ANOS1: variants seen among roughly 807,000 people sequenced by gnomAD.
ANOS1 encodes the protein anosmin 1.
ANOS1 carries 6 observed loss-of-function variants against 59.0 expected under a neutral mutation model. The ratio of observed to expected loss-of-function variants is 0.10; its 90% confidence interval spans 0.06 to 0.20. The LOEUF is 0.20. Among genes scored for constraint, ANOS1 ranks in the 10% least tolerant of loss-of-function variants. The pLI, the probability that ANOS1 is intolerant of heterozygous loss-of-function variation, is 1.00. For synonymous variants in ANOS1, 217 were observed against 223.4 expected, an observed-to-expected ratio of 0.97 and a Z score of 0.25; for missense variants, 433 against 542.3, an observed-to-expected ratio of 0.80 and a Z score of 2.00.
At chrX:8,678,007 T>G (rs932728365) in intron 2 of ANOS1, among the ~76,000 whole-genome samples, 2 of 111,701 alleles carry the variant, frequency 1.8e-5, no homozygotes, top group Non-Finnish European at 3.8e-5. Context: ...CCTGCTGGGC[T>G]CGCCATGCTT....
intron 8 of ANOS1, among the ~76,000 whole-genome samples, chrX:8,561,642 T>G (rs1020594968): frequency 3.7e-5 from 4 of 108,666 alleles, no homozygotes; most frequent in Admixed American, 3.0e-4. Flanking sequence ...AGACACAGTC[T>G]CACTATGTTG....
At chrX:8,655,277 C>T (rs2146867203) in intron 2 of ANOS1, among the ~76,000 whole-genome samples, 1 of 111,499 alleles carries the variant, frequency 9.0e-6, no homozygotes, top group African/African-American at 3.3e-5. Context: ...GCATTAGATT[C>T]TCATAAGGAG....
At chrX:8,689,786 AAGAG>A (rs1156244850) in intron 2 of ANOS1, among the ~76,000 whole-genome samples, 16 of 109,539 alleles carry the variant, frequency 1.5e-4, no homozygotes, top group African/African-American at 5.0e-4. Flanking sequence ...AAAAAAAAAA[AAGAG>A]AGAGAGAGAG....
intron 7 of ANOS1, 137 bp downstream of exon 7, chrX:8,570,362 G>T: frequency 1.7e-6 from 1 of 575,160 alleles, no homozygotes; most frequent in South Asian, 2.6e-5. Flanking sequence ...GAACTTCCTC[G>T]GTAGAAATGA....
At chrX:8,657,467 CTTTT>C (rs1324799667) in intron 2 of ANOS1, among the ~76,000 whole-genome samples, 5 of 83,956 alleles carry the variant, frequency 6.0e-5, no homozygotes, top group East Asian at 3.8e-4. Flanking sequence ...ACTGTGCTTG[CTTTT>C]TTTTTTTTTT....
At chrX:8,619,663 G>A (rs1931254814) in intron 3 of ANOS1, among the ~76,000 whole-genome samples, 1 of 112,018 alleles carries the variant, frequency 8.9e-6, no homozygotes, top group Non-Finnish European at 1.9e-5. Flanking sequence ...CCTAAAAGTA[G>A]CAAAAGTTAC....
rs910175121 is a variant in ANOS1 at position 8,565,602 on chromosome X, C to T, written c.1207+2630G>A. On this transcript the variant is annotated intron_variant, in intron 8 of 13. Coordinates refer to ENST00000262648, the MANE Select transcript of ANOS1 (RefSeq NM_000216.4). ...AAGAAAAGACAATAGCGTGAACAAG[C>T]GAAAGAACTGGACAGATTCCATATG... Among the ~76,000 whole-genome samples the T allele has an allele frequency of 2.7e-5, 3 of 112,027 alleles. 1 individual carries two copies. Among genetic ancestry groups the T allele is most frequent in the South Asian group, 7.3e-4 (2 of 2,723 alleles).
At chrX:8,568,208 GA>G (rs1203002176) in intron 8 of ANOS1, 23 bp downstream of exon 8, 1 of 1,203,247 alleles carries the variant, frequency 8.3e-7, no homozygotes, top group South Asian at 1.8e-5. Context: ...CAATCATCTT[GA>G]AAAACATGAC....
chrX:8,703,247 A>G (rs985483671), intron 1 of ANOS1, among the ~76,000 whole-genome samples: 2 of 112,289 alleles, frequency 1.8e-5, no homozygotes, highest in Admixed American at 1.9e-4. Flanking sequence ...CCTCACAGAG[A>G]AGGCACATTT....
chrX:8,687,651 G>A (rs971009399), intron 2 of ANOS1, among the ~76,000 whole-genome samples: 5 of 108,486 alleles, frequency 4.6e-5, no homozygotes, highest in Admixed American at 2.0e-4. Flanking sequence ...AGAACATCAT[G>A]TTTTGAGTAG....
intron 2 of ANOS1, among the ~76,000 whole-genome samples, chrX:8,683,904 G>A (rs774086991): frequency 9.0e-6 from 1 of 111,668 alleles, no homozygotes; most frequent in African/African-American, 3.2e-5. Flanking sequence ...CACGGTGCAC[G>A]CAAAGGCTGG....
chrX:8,569,142 G>A (rs984901406), intron 7 of ANOS1, among the ~76,000 whole-genome samples: 16 of 111,836 alleles, frequency 1.4e-4, no homozygotes, highest in African/African-American at 5.2e-4. Flanking sequence ...ATGCTTCAAG[G>A]TGCTTCATTA....
intron 1 of ANOS1, among the ~76,000 whole-genome samples, chrX:8,716,919 T>G (rs1932844937): frequency 9.0e-6 from 1 of 111,592 alleles, no homozygotes; most frequent in South Asian, 3.8e-4. Flanking sequence ...TAGATATGGA[T>G]ATCCCGATAC....
rs1410573739 is a variant in ANOS1 at position 8,568,111 on chromosome X, TAAG to T, written c.1207+118_1207+120del. The stretch of plus-strand genomic sequence containing the variant: ...AATACTTTAGTCACATGCATGTGGG[TAAG>T]AAGATTTGCCATATAATTATTCCAA... On this transcript the variant is annotated intron_variant, in intron 8 of 13. Transcript: ENST00000262648. 1.2e-5 allele frequency: 8 copies of T among 688,472 alleles called. No homozygotes were observed. The African/African-American group carries it at 1.5e-4, about 13-fold the overall frequency. The allele number at this position is 688,472 out of a possible 1,213,427, so 56.7% of individuals were successfully genotyped here.
At chrX:8,687,323 C>CT (rs1371189949) in intron 2 of ANOS1, among the ~76,000 whole-genome samples, 52 of 110,547 alleles carry the variant, frequency 4.7e-4, no homozygotes, top group Non-Finnish European at 2.6e-4. Context: ...TTCCAGATGC[C>CT]TGGTGGCTTT....
chrX:8,576,273 T>G (rs1205035537), intron 6 of ANOS1, among the ~76,000 whole-genome samples: 1 of 111,238 alleles, frequency 9.0e-6, no homozygotes, highest in African/African-American at 3.3e-5. Flanking sequence ...TCTGAAGCAT[T>G]TTACTCAGTC....
chrX:8,566,895 C>T, intron 8 of ANOS1, among the ~76,000 whole-genome samples: 1 of 111,772 alleles, frequency 8.9e-6, no homozygotes, highest in Non-Finnish European at 1.9e-5. Flanking sequence ...ACCAGCATTG[C>T]CTTTCCTAAA....
Position 8,532,708 on chromosome X carries a change from T to C in ANOS1, c.*287A>G. The C allele has an allele frequency of 8.2e-6, 2 of 243,987 alleles. No homozygotes were observed. The highest frequency in any genetic ancestry group is 1.3e-4 in the East Asian group (2 of 14,876). The allele number at this position is 243,987 out of a possible 1,213,427, so 20.1% of individuals were successfully genotyped here. The stretch of plus-strand genomic sequence containing the variant: ...AAAACTGAGTTCTGTTGTAATTCAA[T>C]AGAAATGAGCGACACCATACATGAA... On this transcript the variant is annotated 3_prime_UTR_variant, in exon 14 of 14. Coordinates refer to ENST00000262648, the MANE Select transcript of ANOS1 (RefSeq NM_000216.4).
chrX:8,660,341 T>A (rs142794333), intron 2 of ANOS1, among the ~76,000 whole-genome samples: 1,912 of 112,132 alleles, frequency 0.017, 21 homozygotes, highest in Admixed American at 0.069. Flanking sequence ...TGACTAGGCA[T>A]CAGACTCAAG....
Sources: allele counts gnomAD v4.1 joint callset (sites outside exome capture counted in the v4.1 genomes callset), GRCh38; gene constraint gnomAD v4.1.1; transcripts MANE v1.5; gene names NCBI Gene and HGNC (gene_info 2026-07-23, HGNC 2026-07-21).